MGST1: variants seen among roughly 807,000 people sequenced by gnomAD.
MGST1 encodes glutathione S-transferase 12.
In MGST1, 5 loss-of-function variants were observed where a neutral mutation model predicts 8.9. The observed-to-expected ratio is 0.56, with a 90% CI of 0.29 to 1.19. The LOEUF (loss-of-function observed/expected upper bound fraction) is 1.19, where lower values mean the gene tolerates loss of function less well. MGST1 is among the 50% of genes most tolerant of loss of function. The pLI is 0.08. For synonymous variants in MGST1, 54 were observed against 67.8 expected, an observed-to-expected ratio of 0.80 and a Z score of 1.00; for missense variants, 182 against 187.4, an observed-to-expected ratio of 0.97 and a Z score of 0.17.
chr12:16,354,206 C>T (rs761610047), intron 1 of MGST1, 25 bp from the exon 2 acceptor site: 1 of 1,524,576 alleles, frequency 6.6e-7, no homozygotes, highest in South Asian at 1.3e-5. Flanking sequence ...TCTGCTTTTT[C>T]CCATTTTATT....
intron 4 of MGST1, among the ~76,000 whole-genome samples, chr12:16,568,464 C>T (rs1942695048): frequency 6.6e-6 from 1 of 152,204 alleles, no homozygotes; most frequent in African/African-American, 2.4e-5. Flanking sequence ...CATTCACTTA[C>T]TGTCTATTGC....
intron 1 of MGST1, among the ~76,000 whole-genome samples, chr12:16,435,188 T>C (rs1424330842): frequency 3.9e-5 from 6 of 152,016 alleles, no homozygotes; most frequent in Admixed American, 2.6e-4. Flanking sequence ...TGTTTATTCT[T>C]AATTTTATTT....
intron 4 of MGST1, among the ~76,000 whole-genome samples, chr12:16,571,245 A>G (rs143892217): frequency 1.5e-3 from 229 of 152,216 alleles, no homozygotes; most frequent in African/African-American, 5.0e-3. Context: ...TCATCCTTGT[A>G]TTTAACTAAG....
chr12:16,376,373 T>C (rs1401655207), exon 4 of MGST1: 3 of 359,552 alleles, frequency 8.3e-6, no homozygotes, highest in South Asian at 1.9e-4. Context: ...TCTATGAAAC[T>C]GTGTGGACAA....
In MGST1 at chr12:16,503,468, T is replaced by C. The variant is rs1941518607; in HGVS notation, n.483-86060T>C. Among the ~76,000 whole-genome samples the C allele has an allele frequency of 6.6e-6, 1 of 152,182 alleles. No individual in the cohort carries two copies. On this transcript the variant is annotated intron_variant and non_coding_transcript_variant, in intron 4 of 4. Transcript: ENST00000538857. This position sits in a 1 kb window ranked among gnomAD's most constrained non-coding sequence, Gnocchi z 4.8. ...AAGCACAAAGAAGACAGTCATTCTGTTGTCTTTCTTTCCCTTTAACTGCCT... is the reference window on the plus strand; with the variant it reads ...AAGCACAAAGAAGACAGTCATTCTGCTGTCTTTCTTTCCCTTTAACTGCCT...
chr12:16,367,596 A>C (rs1413110083), downstream of MGST1: 1 of 152,220 alleles, frequency 6.6e-6, no homozygotes, highest in Admixed American at 6.5e-5. Context: ...ACATTGCTGT[A>C]TGTTGGCTTG....
At chr12:16,382,412 C>A (rs1169858390), upstream of MGST1, among the ~76,000 whole-genome samples, 1 of 152,204 alleles carries the variant, frequency 6.6e-6, no homozygotes, top group African/African-American at 2.4e-5. Context: ...ACTCCAGACC[C>A]TGTTTGCCTG....
At chr12:16,521,336 A>G (rs922584629) in intron 4 of MGST1, among the ~76,000 whole-genome samples, 5 of 152,148 alleles carry the variant, frequency 3.3e-5, no homozygotes, top group Non-Finnish European at 5.9e-5. Context: ...TGAACTTTCT[A>G]CATAACAAAA....
chr12:16,581,991 TTCTTA>T (rs1283366010), intron 4 of MGST1, among the ~76,000 whole-genome samples: 31 of 152,166 alleles, frequency 2.0e-4, no homozygotes, highest in African/African-American at 4.1e-4. Context: ...TTACTTCGTT[TTCTTA>T]TCTTATTACA....
At chr12:16,400,619 G>A (rs561257874) in intron 1 of MGST1, 27 of 1,289,556 alleles carry the variant, frequency 2.1e-5, no homozygotes, top group South Asian at 4.8e-5. Flanking sequence ...ATCGTATGAC[G>A]CTTGGTATGT....
At chr12:16,417,490 A>G (rs1940797775) in intron 1 of MGST1, among the ~76,000 whole-genome samples, 1 of 152,292 alleles carries the variant, frequency 6.6e-6, no homozygotes, top group Non-Finnish European at 1.5e-5. Flanking sequence ...GCTGTATAGT[A>G]TAGAAATGAA....
intron 4 of MGST1, among the ~76,000 whole-genome samples, chr12:16,566,685 G>A (rs1942622871): frequency 6.6e-6 from 1 of 151,914 alleles, no homozygotes; most frequent in African/African-American, 2.4e-5. Context: ...TTCAGCCTTT[G>A]TAAATAATAT....
chr12:16,416,282 T>C (rs1940787730), intron 1 of MGST1, among the ~76,000 whole-genome samples: 1 of 152,222 alleles, frequency 6.6e-6, no homozygotes, highest in African/African-American at 2.4e-5. Context: ...ATTTTAATGA[T>C]GTGAATGAAG....
intron 4 of MGST1, among the ~76,000 whole-genome samples, chr12:16,558,182 T>G (rs7975434): frequency 2.0e-5 from 3 of 151,962 alleles, no homozygotes; most frequent in Non-Finnish European, 2.9e-5. Context: ...AATGTGAGTG[T>G]AATATTTATA....
chr12:16,480,844 G>A (rs1941359284), intron 4 of MGST1, among the ~76,000 whole-genome samples: 1 of 152,146 alleles, frequency 6.6e-6, no homozygotes, highest in Non-Finnish European at 1.5e-5. Flanking sequence ...GCCCAGGCAG[G>A]AGGACCATTT....
chr12:16,496,722 G>A (rs574739399), intron 4 of MGST1, among the ~76,000 whole-genome samples: 1 of 152,192 alleles, frequency 6.6e-6, no homozygotes, highest in East Asian at 1.9e-4. Flanking sequence ...GTGGGAACAT[G>A]CGGTATTTGG....
chr12:16,455,762 A>G (rs1004928514), intron 4 of MGST1, among the ~76,000 whole-genome samples: 1 of 151,910 alleles, frequency 6.6e-6, no homozygotes, highest in Non-Finnish European at 1.5e-5. Context: ...TATAATGGCC[A>G]TGAAACCCAA....
Position 16,560,612 on chromosome 12 carries a change from T to G in MGST1, n.483-28916T>G. On this transcript the variant is annotated intron_variant and non_coding_transcript_variant, in intron 4 of 4. Transcript: ENST00000538857. The surrounding 1 kb of genome is among the most constrained non-coding windows in gnomAD (Gnocchi z 5.0). Reference sequence around the variant, plus strand: ...CTGAGATCGTGAAGAGAGATGATGTTAATATACTCTGTAAAGCTACAATAC... The same window carrying G: ...CTGAGATCGTGAAGAGAGATGATGTGAATATACTCTGTAAAGCTACAATAC... 7.7e-7 allele frequency: 1 copy of G among 1,292,098 alleles called. No homozygotes were observed. The highest frequency in any genetic ancestry group is 1.1e-6 in the Non-Finnish European group (1 of 913,090). 80.0% of individuals were successfully genotyped at this position (1,292,098 alleles called of 1,614,324 possible). A position where few individuals can be genotyped will look rare whatever the true frequency, so the allele number is the denominator to read the frequency against.
chr12:16,571,940 T>A lies in MGST1; in HGVS notation n.483-17588T>A, dbSNP rs754714138. The stretch of plus-strand genomic sequence containing the variant: ...CATACACATTTTTTAAATTTGTGAA[T>A]CCTTAAAAGGATTTTTGCATTGCCT... On this transcript the variant is annotated intron_variant and non_coding_transcript_variant, in intron 4 of 4. Coordinates refer to the MGST1 transcript ENST00000538857. Among the ~76,000 whole-genome samples the A allele has an allele frequency of 2.0e-4, 30 of 152,082 alleles. No homozygotes were observed. The East Asian group carries it at 4.2e-3, about 22-fold the overall frequency.
Sources: allele counts gnomAD v4.1 joint callset (sites outside exome capture counted in the v4.1 genomes callset), GRCh38; gene constraint gnomAD v4.1.1; non-coding constraint Gnocchi (gnomAD v3.1); transcripts MANE v1.5; gene names NCBI Gene and HGNC (gene_info 2026-07-23, HGNC 2026-07-21).